Variants in SYTL5 observed in about 807,000 individuals in gnomAD.
The protein encoded by SYTL5 is synaptotagmin like 5, also known as synaptotagmin-like protein 5.
In SYTL5, 34 loss-of-function variants were observed where a neutral mutation model predicts 55.9. The observed-to-expected ratio is 0.61, with a 90% CI of 0.46 to 0.81. The LOEUF (loss-of-function observed/expected upper bound fraction) is 0.81, where lower values mean the gene tolerates loss of function less well. Ranked by LOEUF, SYTL5 falls within the 30% of genes least tolerant of loss-of-function variation. SYTL5 has a pLI of 0.00. For synonymous variants in SYTL5, 221 were observed against 188.7 expected, an observed-to-expected ratio of 1.17 and a Z score of -1.40; for missense variants, 637 against 546.7, an observed-to-expected ratio of 1.17 and a Z score of -1.65.
the SYTL5 span, among the ~76,000 whole-genome samples, chrX:37,941,105 A>G: frequency 8.9e-6 from 1 of 112,060 alleles, no homozygotes; most frequent in Non-Finnish European, 1.9e-5. Flanking sequence ...ATCATGCCTT[A>G]CAATGACAAT....
At chrX:37,992,121 C>T in the SYTL5 span, among the ~76,000 whole-genome samples, 6 of 112,633 alleles carry the variant, frequency 5.3e-5, no homozygotes, top group Non-Finnish European at 1.1e-4. Context: ...CCATATATTG[C>T]ATAGAGCACC....
the SYTL5 span, among the ~76,000 whole-genome samples, chrX:37,891,129 A>C: frequency 8.9e-6 from 1 of 112,467 alleles, no homozygotes; most frequent in Non-Finnish European, 1.9e-5. Context: ...ACTCCTCAGT[A>C]TATATCCAAG....
intron 16 of SYTL5, 60 bp from the exon 17 acceptor site, chrX:38,126,528 C>T: frequency 8.6e-7 from 1 of 1,168,821 alleles, no homozygotes; most frequent in East Asian, 3.0e-5. Flanking sequence ...TGATAGATAC[C>T]TTGCAGGAGA....
chrX:38,048,626 A>G (rs4556233), intron 2 of SYTL5, among the ~76,000 whole-genome samples: 44,361 of 109,305 alleles, frequency 0.41, 8,857 homozygotes, highest in African/African-American at 0.76. Flanking sequence ...GTCACATGGT[A>G]GCAGAGAACA....
chrX:38,099,498 T>C (rs960536118), intron 9 of SYTL5, among the ~76,000 whole-genome samples: 1 of 111,307 alleles, frequency 9.0e-6, no homozygotes, highest in Non-Finnish European at 1.9e-5. Flanking sequence ...TTTTAGAGTG[T>C]TCTATATATA....
At chrX:37,933,163 C>T in the SYTL5 span, among the ~76,000 whole-genome samples, 4 of 111,280 alleles carry the variant, frequency 3.6e-5, no homozygotes, top group African/African-American at 6.5e-5. Flanking sequence ...AGAGTAAGGA[C>T]CTCTGAAAAT....
intron 1 of SYTL5, among the ~76,000 whole-genome samples, chrX:38,026,045 C>T: frequency 8.9e-6 from 1 of 112,613 alleles, no homozygotes; most frequent in Non-Finnish European, 1.9e-5. Context: ...TGAGATTGAG[C>T]AAGGGTAATT....
At chrX:38,010,013 A>T (rs762812161) in intron 1 of SYTL5, among the ~76,000 whole-genome samples, 30 of 112,195 alleles carry the variant, frequency 2.7e-4, no homozygotes, top group Non-Finnish European at 4.3e-4. Context: ...CATATTGTGC[A>T]GGGGTTGAGA....
intron 2 of SYTL5, among the ~76,000 whole-genome samples, chrX:38,043,113 G>A (rs1339571762): frequency 9.0e-6 from 1 of 111,503 alleles, no homozygotes; most frequent in East Asian, 2.8e-4. Flanking sequence ...TTCTTACACA[G>A]CAAGCAATTT....
the SYTL5 span, among the ~76,000 whole-genome samples, chrX:37,970,935 T>C: frequency 8.9e-6 from 1 of 112,480 alleles, no homozygotes; most frequent in East Asian, 2.8e-4. Flanking sequence ...GATTAATAGA[T>C]GCAAACATAA....
At chrX:37,976,008 AG>A in the SYTL5 span, among the ~76,000 whole-genome samples, 1 of 111,886 alleles carries the variant, frequency 8.9e-6, no homozygotes, top group Admixed American at 9.5e-5. Context: ...AAAAACTTGC[AG>A]GGGGTGAGAA....
the SYTL5 span, among the ~76,000 whole-genome samples, chrX:37,910,967 C>CTTTTTTTTTTTTTTTTT: frequency 1.2e-5 from 1 of 82,729 alleles, no homozygotes; most frequent in African/African-American, 5.5e-5. Flanking sequence ...GATAGCATTA[C>CTTTTTTTTTTTTTTTTT]TTTTTTTTTT....
intron 7 of SYTL5, among the ~76,000 whole-genome samples, chrX:38,093,744 G>T (rs1209516462): frequency 1.8e-5 from 2 of 110,625 alleles, no homozygotes; most frequent in Non-Finnish European, 3.8e-5. Context: ...TATGAACATT[G>T]GTAAGTACCA....
chrX:38,118,071 T>G (rs73467500), intron 13 of SYTL5, among the ~76,000 whole-genome samples: 250 of 111,785 alleles, frequency 2.2e-3, no homozygotes, highest in African/African-American at 7.7e-3. Context: ...CTACTTATGA[T>G]AGTCACCTAA....
chrX:38,072,250 C>A, intron 4 of SYTL5, 88 bp downstream of exon 4: 2 of 674,645 alleles, frequency 3.0e-6, no homozygotes, highest in Non-Finnish European at 4.5e-6. Flanking sequence ...AGTTAATCAG[C>A]ATAAATGAGT....
the SYTL5 span, among the ~76,000 whole-genome samples, chrX:37,939,936 T>G: frequency 9.0e-6 from 1 of 111,516 alleles, no homozygotes; most frequent in African/African-American, 3.3e-5. Context: ...GTTCAAGCGA[T>G]TCTCCTGCCT....
chrX:37,908,263 C>G, the SYTL5 span, among the ~76,000 whole-genome samples: 1 of 111,878 alleles, frequency 8.9e-6, no homozygotes, highest in East Asian at 2.8e-4. Flanking sequence ...TCAAGACACT[C>G]GGTCCTAATC....
chrX:37,910,257 C>T, the SYTL5 span, among the ~76,000 whole-genome samples: 2 of 111,750 alleles, frequency 1.8e-5, no homozygotes. Context: ...TTGCACCTGA[C>T]CATCTTCCCC....
the SYTL5 span, chrX:37,991,405 C>T: frequency 1.9e-5 from 12 of 627,241 alleles, no homozygotes; most frequent in East Asian, 7.2e-5. Flanking sequence ...GAGCTGAAGG[C>T]GGGGAAGGGG....
Sources: allele counts gnomAD v4.1 joint callset (sites outside exome capture counted in the v4.1 genomes callset), GRCh38; gene constraint gnomAD v4.1.1; transcripts MANE v1.5; gene names NCBI Gene and HGNC (gene_info 2026-07-23, HGNC 2026-07-21).